Variants in ZPBP2 observed in about 807,000 individuals in gnomAD.
ZPBP2 encodes the protein zona pellucida-binding protein 2.
ZPBP2 carries 34 observed loss-of-function variants against 37.5 expected under a neutral mutation model. The ratio of observed to expected loss-of-function variants is 0.91; its 90% CI spans 0.69 to 1.21. The LOEUF is 1.21. Ranked by LOEUF, ZPBP2 falls within the 50% of genes most tolerant of loss-of-function variation. ZPBP2 has a pLI of 0.00. For missense variants in ZPBP2, 397 were observed against 413.5 expected, an observed-to-expected ratio of 0.96 and a Z score of 0.35; for synonymous variants, 143 against 138.4, an observed-to-expected ratio of 1.03 and a Z score of -0.23.
intron 7 of ZPBP2, 47 bp from the exon 8 acceptor site, chr17:39,876,635 A>G (rs765336404): frequency 3.7e-6 from 6 of 1,605,654 alleles, no homozygotes; most frequent in Middle Eastern, 1.7e-4. Flanking sequence ...TAGTAGAGGC[A>G]TAAAATATCT....
intron 2 of ZPBP2, 65 bp downstream of exon 2, chr17:39,868,679 A>G: frequency 1.3e-6 from 2 of 1,586,916 alleles, no homozygotes; most frequent in African/African-American, 2.7e-5. Context: ...TCTTCCCGGA[A>G]GAGCTTCCTG....
rs1214326741 is a variant in ZPBP2, at chr17:39,871,622, T to C, written c.403T>C (p.Phe135Leu). ...CAAAAAGAGATATGACTTTATGGTC[T>C]TTGGTAAGAATTTAGGCACATTTTA... ...TVKKRYDFMV[F>L]AYREPDYSYQ... is the part of the protein sequence containing the mutation. Residue 135 changes from phenylalanine (F) to leucine (L), a missense_variant, in exon 4 of 8, where the codon TTT becomes CTT. Coordinates refer to ENST00000348931, the MANE Select transcript of ZPBP2 (RefSeq NM_199321.3). 6.4e-7 allele frequency: 1 copy of C among 1,555,510 alleles called. No homozygotes were observed. The highest frequency in any genetic ancestry group is 2.1e-5 in the Admixed American group (1 of 48,516).
chr17:39,876,888 C>A lies in ZPBP2; in HGVS notation c.*79C>A, dbSNP rs987508332. The A allele has an allele frequency of 5.8e-6, 9 of 1,555,162 alleles. No individual in the cohort carries two copies. Among genetic ancestry groups the A allele is most frequent in the South Asian group, 1.1e-5 (1 of 87,064 alleles). ...ACATCCCAGAGCATCATAGATAGTT[C>A]CATTAAGTAAAATCAGTAAGACCAA... is the stretch of plus-strand genomic sequence containing the variant. On this transcript the variant is annotated 3_prime_UTR_variant, in exon 8 of 8. Coordinates refer to ENST00000348931, the MANE Select transcript of ZPBP2 (RefSeq NM_199321.3).
Position 39,876,677 on chromosome 17 carries a change from T to G in ZPBP2, c.890-5T>G. On this transcript the variant is annotated splice_region_variant and splice_polypyrimidine_tract_variant and intron_variant, in intron 7 of 7. Coordinates refer to ENST00000348931, the MANE Select transcript of ZPBP2 (RefSeq NM_199321.3). ...TATAATTACTCCCTGTGTTTTCCTC[T>G]GCAGTGGTTTGTAGTCCTGCGACTT... The G allele has an allele frequency of 6.2e-7, 1 of 1,613,654 alleles. No homozygotes were observed. The highest frequency in any genetic ancestry group is 1.1e-5 in the South Asian group (1 of 91,070).
chr17:39,870,323 G>A (rs1204343865), intron 2 of ZPBP2, among the ~76,000 whole-genome samples: 8 of 152,196 alleles, frequency 5.3e-5, no homozygotes, highest in African/African-American at 1.4e-4. Flanking sequence ...GATTACAGGC[G>A]TGAGCCACCG....
intron 5 of ZPBP2, among the ~76,000 whole-genome samples, chr17:39,872,746 T>A (rs1285381873): frequency 6.6e-6 from 1 of 152,322 alleles, no homozygotes; most frequent in East Asian, 1.9e-4. Context: ...AATATTTCAC[T>A]TATAACTTCT....
rs751295986 is a variant in ZPBP2, at chr17:39,872,255, C to T, written c.407-15C>T. 2 of 1,362,432 alleles carry T rather than the reference C, an allele frequency of 1.5e-6. No individual in the cohort carries two copies. The highest frequency in any genetic ancestry group is 2.0e-6 in the Non-Finnish European group (2 of 1,006,210). The allele number at this position is 1,362,432 out of a possible 1,614,324, so 84.4% of individuals were successfully genotyped here. On this transcript the variant is annotated splice_polypyrimidine_tract_variant and intron_variant, in intron 4 of 7. Transcript: ENST00000348931. ...TACGATTGTTTTCACTCTCATCTTT[C>T]TTTTTTTTTTAAAGCCTATCGGGAA... is the stretch of plus-strand genomic sequence containing the variant.
At position 39,875,234 on chromosome 17, in the gene ZPBP2, C is replaced by G. The variant is rs1429749899; in HGVS notation, c.709-20C>G. ...CATGGTTTAGTAATTGTACCTTTCT[C>G]TGGTATTTTTCAACCTTAGGCAAGA... On this transcript the variant is annotated intron_variant, in intron 6 of 7. Transcript: ENST00000348931. The G allele has an allele frequency of 3.1e-6, 5 of 1,601,650 alleles. No homozygotes were observed. Among genetic ancestry groups the G allele is most frequent in the Non-Finnish European group, 4.3e-6 (5 of 1,174,388 alleles).
chr17:39,868,609 A>T lies in ZPBP2; in HGVS notation c.113A>T (p.Gln38Leu), dbSNP rs778969466. Residue 38 changes from glutamine to leucine, a missense_variant, in exon 2 of 8, where the codon CAG becomes CTG. Physicochemically the swap from Gln to Leu is moderately radical, Grantham distance 113. Transcript: ENST00000348931. ...KKGFIYGKTGQPDKIYVELHQ... is the reference protein window; with the variant it reads ...KKGFIYGKTGLPDKIYVELHQ... ...GGCTTCATTTATGGCAAGACAGGAC[A>T]GCCAGGTAATAAGGGCCTCTGCACA... 8.7e-6 allele frequency: 14 copies of T among 1,614,046 alleles called. No homozygotes were observed. The highest frequency in any genetic ancestry group is 1.2e-5 in the Non-Finnish European group (14 of 1,180,028).
In ZPBP2 at chr17:39,868,250, G is replaced by T. The variant is rs1275553594; in HGVS notation, c.-105G>T. 10 of 1,331,414 alleles carry T rather than the reference G, an allele frequency of 7.5e-6. No individual in the cohort carries two copies. The East Asian group carries it at 1.9e-4, about 25-fold the overall frequency. The allele number at this position is 1,331,414 out of a possible 1,614,324, so 82.5% of individuals were successfully genotyped here. A position where few individuals can be genotyped will look rare whatever the true frequency, so the allele number is the denominator to read the frequency against. On this transcript the variant is annotated 5_prime_UTR_variant, in exon 1 of 8. Transcript: ENST00000348931. ...ACGGACGGGTAGGGGAGGCGACCCC[G>T]GCGTTCTGCTCCGCACTGTGGAGGA... is the stretch of plus-strand genomic sequence containing the variant.
chr17:39,874,573 A>G (rs985087145), intron 6 of ZPBP2, among the ~76,000 whole-genome samples: 1 of 152,010 alleles, frequency 6.6e-6, no homozygotes, highest in East Asian at 1.9e-4. Flanking sequence ...CTGGGATTAC[A>G]GGTGCCTGCC....
Position 39,871,443 on chromosome 17 carries a change from GTAATT to G in ZPBP2, c.245-18_245-14del. On this transcript the variant is annotated splice_polypyrimidine_tract_variant and intron_variant, in intron 3 of 7. Transcript: ENST00000348931. ...GCTTGATATGTTATATGTTAAATAAGTAATTTACTATTCTGTTTAGGAAATAATAG... is the reference window on the plus strand; with the variant it reads ...GCTTGATATGTTATATGTTAAATAAGTACTATTCTGTTTAGGAAATAATAG... The G allele has an allele frequency of 6.7e-7, 1 of 1,501,416 alleles. No individual in the cohort carries two copies. The highest frequency in any genetic ancestry group is 1.4e-5 in the African/African-American group (1 of 70,904). 93.0% of individuals were successfully genotyped at this position (1,501,416 alleles called of 1,614,324 possible).
At position 39,869,646 on chromosome 17, in the gene ZPBP2, C is replaced by T. The variant is rs145101657; in HGVS notation, c.118+1032C>T. On this transcript the variant is annotated intron_variant, in intron 2 of 7. Coordinates refer to ENST00000348931, the MANE Select transcript of ZPBP2 (RefSeq NM_199321.3). ...TCTCGAACTTCTGACCTCAGGTGATCCGCACGTCTTAGCCTCCCAAAGTGC... is the reference window on the plus strand; with the variant it reads ...TCTCGAACTTCTGACCTCAGGTGATTCGCACGTCTTAGCCTCCCAAAGTGC... 5.0e-3 allele frequency among the ~76,000 whole-genome samples: 755 copies of T among 151,074 alleles called. 8 individuals are homozygous for T. Among genetic ancestry groups the T allele is most frequent in the African/African-American group, 0.017 (719 of 41,174 alleles).
chr17:39,868,621 A>AGGGCCTCTGCACACGC lies in ZPBP2; in HGVS notation c.118+13_118+28dup, dbSNP rs1350977764. The AGGGCCTCTGCACACGC allele has an allele frequency of 1.9e-6, 3 of 1,614,002 alleles. No individual in the cohort carries two copies. In the South Asian group the frequency reaches 3.3e-5, roughly 18 times the overall value. Reference sequence around the variant, plus strand: ...GGCAAGACAGGACAGCCAGGTAATAAGGGCCTCTGCACACGCGGGCCCATT... The same window carrying AGGGCCTCTGCACACGC: ...GGCAAGACAGGACAGCCAGGTAATAAGGGCCTCTGCACACGCGGGCCTCTGCACACGCGGGCCCATT... On this transcript the variant is annotated splice_region_variant and intron_variant, in intron 2 of 7. Transcript: ENST00000348931.
chr17:39,875,878 G>A (rs1411203671), intron 7 of ZPBP2, among the ~76,000 whole-genome samples: 1 of 107,560 alleles, frequency 9.3e-6, no homozygotes, highest in Non-Finnish European at 2.1e-5. Flanking sequence ...TACCATGCTT[G>A]GCCCCTTTTT....
At chr17:39,872,181 G>A in intron 4 of ZPBP2, 89 bp from the exon 5 acceptor site, 1 of 964,944 alleles carries the variant, frequency 1.0e-6, no homozygotes, top group Non-Finnish European at 1.5e-6. Context: ...ATGGGATTTA[G>A]TATTACATAG....
Position 39,870,366 on chromosome 17 carries a change from C to A in ZPBP2, c.119-328C>A, listed in dbSNP as rs145735506. Reference sequence around the variant, plus strand: ...GCCTTTTCTGAACTTTTAATTGCTTCCACCAACCCTCCAAAAAATTATGAT... The same window carrying A: ...GCCTTTTCTGAACTTTTAATTGCTTACACCAACCCTCCAAAAAATTATGAT... On this transcript the variant is annotated intron_variant, in intron 2 of 7. Coordinates refer to ENST00000348931, the MANE Select transcript of ZPBP2 (RefSeq NM_199321.3). Among the ~76,000 whole-genome samples, 155 of 152,276 alleles carry A rather than the reference C, an allele frequency of 1.0e-3. 2 individuals are homozygous for A. The highest frequency in any genetic ancestry group is 3.5e-3 in the African/African-American group (146 of 41,560).
In ZPBP2 at chr17:39,868,548, G is replaced by T; in HGVS notation, c.53-1G>T. ...AAGTCAGTGTTTTATTTCCTCCGCA[G>T]TCCAATGCCCGCGTTTTACCTTATT... On this transcript the variant is annotated splice_acceptor_variant, in intron 1 of 7. Transcript: ENST00000348931. LOFTEE classifies it high-confidence loss of function. The T allele has an allele frequency of 6.2e-7, 1 of 1,614,100 alleles. No individual in the cohort carries two copies. Among genetic ancestry groups the T allele is most frequent in the Non-Finnish European group, 8.5e-7 (1 of 1,180,012 alleles).
rs2063344053 is a variant in ZPBP2, at chr17:39,868,226, C to T, written c.-129C>T. 10 of 1,026,468 alleles carry T rather than the reference C, an allele frequency of 9.7e-6. No homozygotes were observed. The highest frequency in any genetic ancestry group is 1.6e-5 in the African/African-American group (1 of 62,896). The allele number at this position is 1,026,468 out of a possible 1,614,324, so 63.6% of individuals were successfully genotyped here. On this transcript the variant is annotated 5_prime_UTR_variant, in exon 1 of 8. The change creates a new upstream start codon in the 5' untranslated region. Coordinates refer to ENST00000348931, the MANE Select transcript of ZPBP2 (RefSeq NM_199321.3). ...TGCGCGTCCGCTCCCGCCGTTGCGACGGACGGGTAGGGGAGGCGACCCCGG... is the reference window on the plus strand; with the variant it reads ...TGCGCGTCCGCTCCCGCCGTTGCGATGGACGGGTAGGGGAGGCGACCCCGG...
Sources: gnomAD v4.1 joint callset for allele counts (sites outside exome capture counted in the v4.1 genomes callset) on GRCh38, gnomAD v4.1.1 for gene constraint, MANE v1.5 for transcripts, NCBI Gene and HGNC (gene_info 2026-07-23, HGNC 2026-07-21) for gene names.